The following SH3KBP1 variants were observed in gnomAD, a reference collection of about 807,000 sequenced individuals.
The protein encoded by SH3KBP1 is SH3 domain-containing kinase-binding protein 1.
In SH3KBP1, 8 loss-of-function variants were observed where a neutral mutation model predicts 50.1. The ratio of observed to expected loss-of-function variants is 0.16; its 90% CI spans 0.09 to 0.29. The LOEUF is 0.29. SH3KBP1 is among the 10% of genes least tolerant of loss of function. The probability of loss-of-function intolerance (pLI) is 1.00; values close to 1 mark genes in which losing one functional copy is unlikely to be tolerated. For synonymous variants in SH3KBP1, 227 were observed against 218.6 expected, an observed-to-expected ratio of 1.04 and a Z score of -0.34; for missense variants, 377 against 535.2, an observed-to-expected ratio of 0.70 and a Z score of 2.92.
intron 12 of SH3KBP1, among the ~76,000 whole-genome samples, chrX:19,576,248 A>T (rs995854215): frequency 1.8e-5 from 2 of 111,594 alleles, no homozygotes; most frequent in African/African-American, 6.5e-5. Flanking sequence ...CTAAAGCAGG[A>T]ACCTAAATCA....
chrX:19,565,354 G>A (rs1306921392), intron 13 of SH3KBP1, among the ~76,000 whole-genome samples: 2 of 111,020 alleles, frequency 1.8e-5, no homozygotes, highest in Admixed American at 1.9e-4. Flanking sequence ...AAGCCACCGC[G>A]CCTGGCCTTC....
chrX:19,752,386 C>T, intron 2 of SH3KBP1, among the ~76,000 whole-genome samples: 1 of 112,538 alleles, frequency 8.9e-6, no homozygotes, highest in East Asian at 2.8e-4. Flanking sequence ...TGATTATCTA[C>T]TCTCATTATT....
At chrX:19,569,313 G>A (rs1468755287) in intron 12 of SH3KBP1, 125 bp from the exon 13 acceptor site, 12 of 601,060 alleles carry the variant, frequency 2.0e-5, no homozygotes, top group South Asian at 1.3e-4. Context: ...TTGCCTGTGA[G>A]GGAGCCAGAG....
chrX:19,563,049 G>A (rs964008818), intron 13 of SH3KBP1, among the ~76,000 whole-genome samples: 2 of 111,773 alleles, frequency 1.8e-5, no homozygotes, highest in African/African-American at 3.3e-5. Context: ...CTGAGTTTGC[G>A]CTTATGGGAT....
intron 1 of SH3KBP1, among the ~76,000 whole-genome samples, chrX:19,872,680 G>T (rs1200598802): frequency 1.8e-5 from 2 of 110,116 alleles, no homozygotes; most frequent in Non-Finnish European, 3.8e-5. Context: ...GGAGGCTGAG[G>T]CAGGAGAATG....
chrX:19,630,555 A>G (rs1027517109), intron 8 of SH3KBP1, among the ~76,000 whole-genome samples: 1 of 112,150 alleles, frequency 8.9e-6, no homozygotes, highest in African/African-American at 3.2e-5. Context: ...ACACCTACAG[A>G]GACATACTGA....
chrX:19,553,785 G>A (rs1009620881), intron 13 of SH3KBP1, among the ~76,000 whole-genome samples: 8 of 97,555 alleles, frequency 8.2e-5, no homozygotes, highest in South Asian at 4.4e-4. Context: ...TGTCACTCAT[G>A]AGTAAGAGGA....
At chrX:19,713,233 A>G (rs926948307) in intron 3 of SH3KBP1, among the ~76,000 whole-genome samples, 2 of 109,429 alleles carry the variant, frequency 1.8e-5, no homozygotes, top group Admixed American at 1.9e-4. Context: ...AACAAAACAA[A>G]CAAACAAAAA....
At chrX:19,822,808 C>T (rs776340006) in intron 2 of SH3KBP1, among the ~76,000 whole-genome samples, 33 of 112,004 alleles carry the variant, frequency 2.9e-4, no homozygotes, top group Non-Finnish European at 4.5e-4. Context: ...AGGCTAAGTA[C>T]GCACATCCTG....
chrX:19,780,968 C>T (rs1293909698), intron 2 of SH3KBP1, among the ~76,000 whole-genome samples: 1 of 112,251 alleles, frequency 8.9e-6, no homozygotes, highest in African/African-American at 3.2e-5. Context: ...AGATATAAAA[C>T]TATACACAAA....
chrX:19,788,502 A>G (rs2066432969), intron 2 of SH3KBP1, among the ~76,000 whole-genome samples: 1 of 110,919 alleles, frequency 9.0e-6, no homozygotes, highest in African/African-American at 3.3e-5. Flanking sequence ...TCCAGCCTCC[A>G]GAACTGCCAG....
chrX:19,578,265 T>C (rs1221100006), intron 12 of SH3KBP1, among the ~76,000 whole-genome samples: 1 of 111,855 alleles, frequency 8.9e-6, no homozygotes, highest in Non-Finnish European at 1.9e-5. Context: ...TGAGAACCTA[T>C]CTTCTTTCTT....
chrX:19,709,669 G>A (rs1276654533), intron 3 of SH3KBP1, among the ~76,000 whole-genome samples: 1 of 111,940 alleles, frequency 8.9e-6, no homozygotes, highest in African/African-American at 3.3e-5. Context: ...TCATTACAGA[G>A]AACACCAAAC....
intron 1 of SH3KBP1, 25 bp from the exon 2 acceptor site, chrX:19,836,307 T>G: frequency 8.4e-6 from 10 of 1,189,199 alleles, no homozygotes; most frequent in Non-Finnish European, 1.0e-5. Flanking sequence ...GAAAACAGAG[T>G]AATTTAGGTC....
intron 1 of SH3KBP1, among the ~76,000 whole-genome samples, chrX:19,877,777 T>C (rs902292723): frequency 8.9e-6 from 1 of 112,305 alleles, no homozygotes; most frequent in East Asian, 2.8e-4. Context: ...AAATGAGTCA[T>C]TAATAAGCAT....
At chrX:19,703,097 G>A (rs999569170) in intron 4 of SH3KBP1, among the ~76,000 whole-genome samples, 5 of 111,804 alleles carry the variant, frequency 4.5e-5, no homozygotes, top group South Asian at 3.7e-4. Flanking sequence ...CCTAAACCAC[G>A]CTTTGGAGGC....
At chrX:19,744,526 C>G (rs1240644999) in intron 3 of SH3KBP1, among the ~76,000 whole-genome samples, 1 of 111,802 alleles carries the variant, frequency 8.9e-6, no homozygotes, top group Non-Finnish European at 1.9e-5. Context: ...AAGCCTCGGA[C>G]AGAATGAAGA....
intron 2 of SH3KBP1, among the ~76,000 whole-genome samples, chrX:19,755,439 A>G (rs1217266697): frequency 8.9e-6 from 1 of 112,157 alleles, no homozygotes; most frequent in Non-Finnish European, 1.9e-5. Flanking sequence ...CAACAACGAC[A>G]AAATTCATCA....
intron 3 of SH3KBP1, among the ~76,000 whole-genome samples, chrX:19,731,100 C>T (rs1238601940): frequency 2.7e-5 from 3 of 110,499 alleles, no homozygotes; most frequent in Non-Finnish European, 3.8e-5. Context: ...TCACCACGCC[C>T]GGCTAATTTT....
Sources: allele counts gnomAD v4.1 joint callset (sites outside exome capture counted in the v4.1 genomes callset), GRCh38; gene constraint gnomAD v4.1.1; transcripts MANE v1.5; gene names NCBI Gene and HGNC (gene_info 2026-07-23, HGNC 2026-07-21).